The following ZBTB8OS variants were observed in gnomAD, a reference collection of about 807,000 sequenced individuals.
ZBTB8OS encodes tRNA-splicing ligase-activating factor archease.
Under a neutral mutation model 29.3 loss-of-function variants are expected in ZBTB8OS, and 16 were observed. The ratio of observed to expected loss-of-function variants is 0.55; its 90% CI spans 0.37 to 0.83. The LOEUF is 0.83. Among genes scored for constraint, ZBTB8OS ranks in the 40% least tolerant of loss-of-function variants. ZBTB8OS has a pLI of 0.00. For missense variants in ZBTB8OS, 160 were observed against 196.9 expected (o/e 0.81, Z 1.12); for synonymous variants, 70 against 64.6 (o/e 1.08, Z -0.40).
intron 5 of ZBTB8OS, among the ~76,000 whole-genome samples, chr1:32,630,427 C>T (rs1645456991): frequency 6.6e-6 from 1 of 151,930 alleles, no homozygotes; most frequent in Non-Finnish European, 1.5e-5. Context: ...GTAGTGCGCA[C>T]CTGTAGTCCC....
At chr1:32,631,632 A>G (rs1037292293) in intron 5 of ZBTB8OS, among the ~76,000 whole-genome samples, 195 bp downstream of exon 5, 1 of 152,190 alleles carries the variant, frequency 6.6e-6, no homozygotes, top group African/African-American at 2.4e-5. Flanking sequence ...AAAAATCAAC[A>G]AATTGGGAAT....
At position 32,621,535 on chromosome 1, in the gene ZBTB8OS, C is replaced by T. The variant is rs1644756708; in HGVS notation, c.*327G>A. On this transcript the variant is annotated 3_prime_UTR_variant, in exon 7 of 7. Transcript: ENST00000468695. ...TTCAGCCTCAGGCTGCTGCTGACAT[C>T]AGTGATCCTCTCTGGGGTGAGGCTG... 1 of 232,242 alleles carries T rather than the reference C, an allele frequency of 4.3e-6. No individual in the cohort carries two copies. The highest frequency in any genetic ancestry group is 5.6e-5 in the Admixed American group (1 of 17,846). The allele number at this position is 232,242 out of a possible 1,614,324, so 14.4% of individuals were successfully genotyped here. A position where few individuals can be genotyped will look rare whatever the true frequency, so the allele number is the denominator to read the frequency against.
chr1:32,648,214 A>C (rs149881285), intron 1 of ZBTB8OS, among the ~76,000 whole-genome samples: 78 of 152,382 alleles, frequency 5.1e-4, no homozygotes, highest in African/African-American at 1.8e-3. Flanking sequence ...GGTAACAATT[A>C]GTAGAAGTGG....
chr1:32,627,736 T>G, intron 5 of ZBTB8OS, 192 bp from the exon 6 acceptor site: 1 of 593,822 alleles, frequency 1.7e-6, no homozygotes, highest in Non-Finnish European at 3.0e-6. Flanking sequence ...CATCATTTGC[T>G]CTCAAGGTTG....
intron 1 of ZBTB8OS, among the ~76,000 whole-genome samples, chr1:32,647,305 T>C (rs1440003763): frequency 3.4e-5 from 5 of 148,588 alleles, no homozygotes; most frequent in African/African-American, 1.0e-4. Context: ...GGTGTGGTGG[T>C]GCATGTCTGT....
At chr1:32,637,429 G>A (rs1646057685) in intron 1 of ZBTB8OS, among the ~76,000 whole-genome samples, 2 of 151,834 alleles carry the variant, frequency 1.3e-5, no homozygotes, top group East Asian at 1.9e-4. Context: ...TGAGCTGGGC[G>A]TGGTGGCACC....
At chr1:32,630,972 A>G (rs1168194028) in intron 5 of ZBTB8OS, among the ~76,000 whole-genome samples, 1 of 151,968 alleles carries the variant, frequency 6.6e-6, no homozygotes, top group Non-Finnish European at 1.5e-5. Flanking sequence ...GAGATCACAC[A>G]CTCCAGCCTG....
chr1:32,625,270 G>A (rs749639716), intron 6 of ZBTB8OS, among the ~76,000 whole-genome samples: 5 of 150,722 alleles, frequency 3.3e-5, no homozygotes, highest in African/African-American at 4.9e-5. Context: ...TTGGCTGGGC[G>A]CGATGGCTCA....
chr1:32,621,706 T>C lies in ZBTB8OS; in HGVS notation c.*156A>G. ...CACAGACCAAGGCTGTGCCCTGATT[T>C]TCCCTTTCTGAAAGTCACACTTTAA... On this transcript the variant is annotated 3_prime_UTR_variant, in exon 7 of 7. Coordinates refer to ENST00000468695, the MANE Select transcript of ZBTB8OS (RefSeq NM_178547.5). The C allele has an allele frequency of 1.6e-6, 1 of 626,208 alleles. No homozygotes were observed. The highest frequency in any genetic ancestry group is 2.7e-6 in the Non-Finnish European group (1 of 364,714). 38.8% of individuals were successfully genotyped at this position (626,208 alleles called of 1,614,324 possible).
chr1:32,650,522 T>G lies in ZBTB8OS; in HGVS notation c.8A>C (p.Gln3Pro). The part of the protein sequence containing the change: MA[Q>P]EEEDVRDYNL... ...GTAATCTCTAACATCTTCCTCTTCCTGCGCCATGACTGCAGGATTAGACAC... is the reference window on the plus strand; with the variant it reads ...GTAATCTCTAACATCTTCCTCTTCCGGCGCCATGACTGCAGGATTAGACAC... The change falls in exon 1 of 7, where the codon CAG (glutamine) becomes CCG (proline). Residue 3 changes from glutamine to proline, a missense_variant. Coordinates refer to ENST00000468695, the MANE Select transcript of ZBTB8OS (RefSeq NM_178547.5). 1.9e-6 allele frequency: 3 copies of G among 1,614,204 alleles called. No homozygotes were observed. Among genetic ancestry groups the G allele is most frequent in the Non-Finnish European group, 2.5e-6 (3 of 1,180,036 alleles).
intron 5 of ZBTB8OS, among the ~76,000 whole-genome samples, chr1:32,628,922 G>GTGAGAC (rs1363480000): frequency 2.0e-5 from 3 of 152,164 alleles, no homozygotes; most frequent in Non-Finnish European, 4.4e-5. Flanking sequence ...GGGCAACAGA[G>GTGAGAC]TGAGACTGTC....
At position 32,623,112 on chromosome 1, in the gene ZBTB8OS, T is replaced by C. The variant is rs951235081; in HGVS notation, c.418-1164A>G. 1.6e-4 allele frequency among the ~76,000 whole-genome samples: 24 copies of C among 152,314 alleles called. 1 individual carries two copies. The highest frequency in any genetic ancestry group is 1.4e-3 in the Admixed American group (21 of 15,292). ...TACAATAATTCTGTGCACCATAAAA[T>C]GTACCAGGCAATAGGTAAATGGCAT... On this transcript the variant is annotated intron_variant, in intron 6 of 6. Coordinates refer to ENST00000468695, the MANE Select transcript of ZBTB8OS (RefSeq NM_178547.5).
intron 1 of ZBTB8OS, among the ~76,000 whole-genome samples, chr1:32,646,805 G>C (rs1453570430): frequency 6.6e-6 from 1 of 150,996 alleles, no homozygotes; most frequent in Non-Finnish European, 1.5e-5. Flanking sequence ...GGGAGGCTCA[G>C]GTGGGCGGAT....
intron 5 of ZBTB8OS, among the ~76,000 whole-genome samples, chr1:32,630,254 T>C (rs1265774280): frequency 6.6e-6 from 1 of 152,050 alleles, no homozygotes; most frequent in Non-Finnish European, 1.5e-5. Context: ...TAGCCAGGCA[T>C]GGTGGCAGGC....
In ZBTB8OS at chr1:32,647,041, C is replaced by CAAAAAAAAAAAAAA. The variant is rs71006347; in HGVS notation, c.97+3378_97+3391dup. ...TGGGAGACAGAGCAAGATACTGTCT[C>CAAAAAAAAAAAAAA]AAAAAAAAAAAAAAAAAAAAAAAAA... On this transcript the variant is annotated intron_variant, in intron 1 of 6. Transcript: ENST00000468695. 1.5e-4 allele frequency among the ~76,000 whole-genome samples: 6 copies of CAAAAAAAAAAAAAA among 39,386 alleles called. 1 individual carries two copies. The highest frequency in any genetic ancestry group is 2.3e-3 in the East Asian group (2 of 880). 25.8% of individuals were successfully genotyped at this position (39,386 alleles called of 152,430 possible). A position where few individuals can be genotyped will look rare whatever the true frequency, so the allele number is the denominator to read the frequency against.
chr1:32,623,320 ATC>A (rs532401323), intron 6 of ZBTB8OS, among the ~76,000 whole-genome samples: 20 of 152,182 alleles, frequency 1.3e-4, no homozygotes, highest in Non-Finnish European at 2.6e-4. Flanking sequence ...ATGTCCACAC[ATC>A]TCAAACAGGA....
rs552440176 is a variant in ZBTB8OS at position 32,631,711 on chromosome 1, A to G, written c.380+116T>C. The G allele has an allele frequency of 6.9e-5, 51 of 743,712 alleles. 3 individuals carry two copies. In the South Asian group the frequency reaches 8.4e-4, roughly 12 times the overall value. 46.1% of individuals were successfully genotyped at this position (743,712 alleles called of 1,614,324 possible). ...GTCCTTCCAAGCCCTTAGACATCCC[A>G]CAAAACTCAATCTGCAAGTGGCCCT... On this transcript the variant is annotated intron_variant, in intron 5 of 6. Coordinates refer to ENST00000468695, the MANE Select transcript of ZBTB8OS (RefSeq NM_178547.5).
chr1:32,638,738 C>T (rs1430247674), intron 1 of ZBTB8OS, among the ~76,000 whole-genome samples: 5 of 151,688 alleles, frequency 3.3e-5, no homozygotes, highest in African/African-American at 9.7e-5. Flanking sequence ...CATGGTGAAA[C>T]GCTGTCTCTA....
At chr1:32,644,705 T>A (rs1433330293) in intron 1 of ZBTB8OS, among the ~76,000 whole-genome samples, 2 of 101,706 alleles carry the variant, frequency 2.0e-5, no homozygotes, top group African/African-American at 1.1e-4. Flanking sequence ...CACACCCAGC[T>A]TTTTTTTTTT....
Sources: gnomAD v4.1 joint callset for allele counts (sites outside exome capture counted in the v4.1 genomes callset) on GRCh38, gnomAD v4.1.1 for gene constraint, MANE v1.5 for transcripts, NCBI Gene and HGNC (gene_info 2026-07-23, HGNC 2026-07-21) for gene names.